The following TSPEAR variants were observed in gnomAD, a reference collection of about 807,000 sequenced individuals.
TSPEAR encodes thrombospondin type laminin G domain and EAR repeats, also known as thrombospondin-type laminin G domain and EAR repeat-containing protein.
Under a neutral mutation model 71.6 loss-of-function variants are expected in TSPEAR, and 69 were observed. The ratio of observed to expected loss-of-function variants is 0.96; its 90% CI spans 0.79 to 1.18. The LOEUF (loss-of-function observed/expected upper bound fraction) is 1.18. TSPEAR is among the 50% of genes most tolerant of loss of function. The pLI is 0.00. For synonymous variants in TSPEAR, 402 were observed against 387.2 expected (o/e 1.04, Z -0.45); for missense variants, 971 against 894.9 (o/e 1.09, Z -1.09).
At chr21:44,620,966 C>T (rs1197442195) in intron 1 of TSPEAR, among the ~76,000 whole-genome samples, 1 of 152,066 alleles carries the variant, frequency 6.6e-6, no homozygotes, top group African/African-American at 2.4e-5. Flanking sequence ...TTGTGAATTC[C>T]AGCTTTTCTT....
At chr21:44,627,534 C>T (rs1555934710) in intron 1 of TSPEAR, 2 of 1,538,230 alleles carry the variant, frequency 1.3e-6, no homozygotes, top group Non-Finnish European at 1.8e-6. Context: ...CTTCGTGCTG[C>T]CAACAGTCTA....
intron 1 of TSPEAR, among the ~76,000 whole-genome samples, 196 bp from the exon 2 acceptor site, chr21:44,568,201 C>T (rs587640168): frequency 6.6e-6 from 1 of 152,142 alleles, no homozygotes; most frequent in Non-Finnish European, 1.5e-5. Flanking sequence ...CGTGTGGCCT[C>T]CCCCCACCCC....
At chr21:44,699,125 A>T (rs1244354606) in intron 1 of TSPEAR, among the ~76,000 whole-genome samples, 2 of 152,162 alleles carry the variant, frequency 1.3e-5, no homozygotes, top group Non-Finnish European at 2.9e-5. Flanking sequence ...TCGAGCCGGG[A>T]GGCGGAGGGT....
intron 1 of TSPEAR, among the ~76,000 whole-genome samples, chr21:44,646,236 A>G (rs933149505): frequency 1.3e-5 from 2 of 151,904 alleles, no homozygotes; most frequent in Non-Finnish European, 2.9e-5. Flanking sequence ...TACCAGTTTA[A>G]TAAGGGAAAA....
intron 2 of TSPEAR, chr21:44,539,027 G>C (rs587714416): frequency 1.4e-5 from 8 of 570,442 alleles, no homozygotes; most frequent in South Asian, 6.9e-5. Context: ...GAGGTGCTGA[G>C]AGGTTCAAGT....
At chr21:44,517,198 T>C (rs1311338181) in intron 9 of TSPEAR, 1 of 153,900 alleles carries the variant, frequency 6.5e-6, no homozygotes, top group Admixed American at 6.4e-5. Context: ...CTAGGACACA[T>C]ACCAGTTCTC....
At chr21:44,582,292 T>G (rs1555925241) in intron 1 of TSPEAR, among the ~76,000 whole-genome samples, 1 of 152,204 alleles carries the variant, frequency 6.6e-6, no homozygotes, top group African/African-American at 2.4e-5. Flanking sequence ...TGGCCGGCAG[T>G]GAACCTGACA....
chr21:44,702,446 C>T, intron 1 of TSPEAR: 1 of 1,610,822 alleles, frequency 6.2e-7, no homozygotes, highest in Non-Finnish European at 8.5e-7. Context: ...TGCTGCACCT[C>T]CTCCCCAAGC....
At chr21:44,646,403 C>G in intron 1 of TSPEAR, 1 of 1,563,380 alleles carries the variant, frequency 6.4e-7, no homozygotes, top group Admixed American at 1.8e-5. Context: ...CTCACTCACA[C>G]ACACACTCAC....
At position 44,560,426 on chromosome 21, in the gene TSPEAR, G is replaced by A. The variant is rs369811953; in HGVS notation, c.303+7359C>T. Among the ~76,000 whole-genome samples the A allele has an allele frequency of 2.1e-4, 32 of 152,284 alleles. 1 individual carries two copies. Among genetic ancestry groups the A allele is most frequent in the African/African-American group, 7.7e-4 (32 of 41,566 alleles). On this transcript the variant is annotated intron_variant, in intron 2 of 11. Coordinates refer to ENST00000323084, the MANE Select transcript of TSPEAR (RefSeq NM_144991.3). Reference sequence around the variant, plus strand: ...TGCTGTCAATATTAGACAGATCAATGTGACAGAAAATTAACAAGGATATTC... The same window carrying A: ...TGCTGTCAATATTAGACAGATCAATATGACAGAAAATTAACAAGGATATTC...
At chr21:44,532,624 C>A (rs587659762) in intron 3 of TSPEAR, among the ~76,000 whole-genome samples, 1 of 152,132 alleles carries the variant, frequency 6.6e-6, no homozygotes, top group African/African-American at 2.4e-5. Flanking sequence ...AAGTAATATT[C>A]GAAATAATTT....
intron 1 of TSPEAR, among the ~76,000 whole-genome samples, chr21:44,691,930 A>G (rs1987139064): frequency 6.6e-6 from 1 of 152,210 alleles, no homozygotes; most frequent in Non-Finnish European, 1.5e-5. Flanking sequence ...GACGAACATG[A>G]CTTGTAAGTA....
intron 2 of TSPEAR, among the ~76,000 whole-genome samples, chr21:44,538,827 C>T (rs1307125893): frequency 8.5e-5 from 13 of 152,128 alleles, no homozygotes; most frequent in East Asian, 1.9e-4. Context: ...TGGGAGTGAC[C>T]GTGAGTCCCA....
Position 44,675,820 on chromosome 21 carries a change from C to A in TSPEAR, c.82+35613G>T, listed in dbSNP as rs1427483085. 8 of 588,400 alleles carry A rather than the reference C, an allele frequency of 1.4e-5. No homozygotes were observed. The African/African-American group carries it at 1.5e-4, about 11-fold the overall frequency. The allele number at this position is 588,400 out of a possible 1,614,324, so 36.4% of individuals were successfully genotyped here. A position where few individuals can be genotyped will look rare whatever the true frequency, so the allele number is the denominator to read the frequency against. On this transcript the variant is annotated intron_variant, in intron 1 of 11. Coordinates refer to ENST00000323084, the MANE Select transcript of TSPEAR (RefSeq NM_144991.3). ...GCGGCAAACCCTTCATGTATCACTGCTGATTTCCTTGACATGAAATACGAC... is the reference window on the plus strand; with the variant it reads ...GCGGCAAACCCTTCATGTATCACTGATGATTTCCTTGACATGAAATACGAC...
Position 44,682,188 on chromosome 21 carries a change from T to C in TSPEAR, c.82+29245A>G, listed in dbSNP as rs533453682. ...GATGTCTGGGGATGGCCTCCCTGGG[T>C]AGCCTTTATACCTGGACCCAGGCAT... is the stretch of plus-strand genomic sequence containing the variant. On this transcript the variant is annotated intron_variant, in intron 1 of 11. Transcript: ENST00000323084. The C allele has an allele frequency of 3.7e-4, 585 of 1,566,068 alleles. 13 individuals carry two copies. The South Asian group carries it at 6.5e-3, about 17-fold the overall frequency.
At chr21:44,540,103 G>A in intron 2 of TSPEAR, 1 of 1,613,866 alleles carries the variant, frequency 6.2e-7, no homozygotes, top group Non-Finnish European at 8.5e-7. Context: ...CCACCTGCCA[G>A]GAGTCGGAGC....
rs1284977518 is a variant in TSPEAR at position 44,654,732 on chromosome 21, C to T, written c.82+56701G>A. 2.3e-5 allele frequency: 16 copies of T among 689,538 alleles called. No individual in the cohort carries two copies. The African/African-American group carries it at 2.9e-4, about 12-fold the overall frequency. 42.7% of individuals were successfully genotyped at this position (689,538 alleles called of 1,614,324 possible). A position where few individuals can be genotyped will look rare whatever the true frequency, so the allele number is the denominator to read the frequency against. On this transcript the variant is annotated intron_variant, in intron 1 of 11. Transcript: ENST00000323084. ...TGGCAACAAGCCCCCTGGCATCTTC[C>T]TCGTGGGTGGTTTTTCCTCCTCTGC...
intron 1 of TSPEAR, among the ~76,000 whole-genome samples, chr21:44,654,042 C>A (rs1555941972): frequency 6.6e-6 from 1 of 152,242 alleles, no homozygotes; most frequent in Non-Finnish European, 1.5e-5. Context: ...GACCTAACAT[C>A]AGACAGTGCG....
At chr21:44,707,657 A>T (rs1988004274) in intron 1 of TSPEAR, among the ~76,000 whole-genome samples, 1 of 152,072 alleles carries the variant, frequency 6.6e-6, no homozygotes, top group Non-Finnish European at 1.5e-5. Flanking sequence ...GCCACTGACA[A>T]TTTGCGCTTC....
Sources: allele counts gnomAD v4.1 joint callset (sites outside exome capture counted in the v4.1 genomes callset), GRCh38; gene constraint gnomAD v4.1.1; transcripts MANE v1.5; gene names NCBI Gene and HGNC (gene_info 2026-07-23, HGNC 2026-07-21).